PRIM2: variants seen among roughly 807,000 people sequenced by gnomAD.
PRIM2 encodes DNA primase subunit 2.
PRIM2 carries 39 observed loss-of-function variants against 67.3 expected under a neutral mutation model. That is an observed-to-expected ratio of 0.58 (90% CI 0.45 to 0.76). PRIM2 has a LOEUF of 0.76. PRIM2 is among the 30% of genes least tolerant of loss of function. The pLI is 0.00. For synonymous variants in PRIM2, 143 were observed against 198.7 expected (o/e 0.72, Z 2.36); for missense variants, 398 against 598.7 (o/e 0.66, Z 3.50).
intron 12 of PRIM2, among the ~76,000 whole-genome samples, chr6:57,608,179 GGA>G (rs1196234937): frequency 3.5e-4 from 53 of 152,094 alleles, no homozygotes; most frequent in African/African-American, 1.2e-3. Flanking sequence ...ACAGAAATGG[GGA>G]GAGAGAGAGA....
At chr6:57,642,226 G>A (rs1777250740) in intron 13 of PRIM2, among the ~76,000 whole-genome samples, 1 of 151,978 alleles carries the variant, frequency 6.6e-6, no homozygotes, top group South Asian at 2.1e-4. Context: ...ACCAGGGCCT[G>A]TTTGGGGGGG....
intron 7 of PRIM2, among the ~76,000 whole-genome samples, chr6:57,402,664 T>C (rs1288589602): frequency 6.6e-6 from 1 of 152,224 alleles, no homozygotes; most frequent in Non-Finnish European, 1.5e-5. Flanking sequence ...TATGGTTTAA[T>C]GTCTATGAAT....
At chr6:57,250,075 G>A in the PRIM2 span, among the ~76,000 whole-genome samples, 2 of 152,204 alleles carry the variant, frequency 1.3e-5, no homozygotes, top group Admixed American at 1.3e-4. Context: ...CCTGAGAGAT[G>A]AACGAATGGA....
rs1319742885 is a variant in PRIM2, at chr6:57,625,718, A to G, written c.1231-6415A>G. On this transcript the variant is annotated intron_variant, in intron 12 of 13. Coordinates refer to ENST00000615550, the MANE Select transcript of PRIM2 (RefSeq NM_000947.5). ...GTAGATTTTAATGACATTTGGAAGT[A>G]GAATTGACTCAGATAACTTTGTTTA... 4.7e-4 allele frequency among the ~76,000 whole-genome samples: 71 copies of G among 152,398 alleles called. 1 individual carries two copies. In the East Asian group the frequency reaches 0.012, roughly 26 times the overall value.
At chr6:57,561,926 T>C (rs1775640284) in intron 10 of PRIM2, among the ~76,000 whole-genome samples, 1 of 152,158 alleles carries the variant, frequency 6.6e-6, no homozygotes, top group Non-Finnish European at 1.5e-5. Context: ...GTGAGAGATG[T>C]GCGAGTCTTT....
intron 7 of PRIM2, among the ~76,000 whole-genome samples, chr6:57,419,619 A>G (rs1771396140): frequency 2.0e-5 from 3 of 152,122 alleles, no homozygotes; most frequent in Admixed American, 6.5e-5. Context: ...AGTTCCAGCA[A>G]TTCTGTTAAT....
intron 8 of PRIM2, among the ~76,000 whole-genome samples, chr6:57,526,574 A>T (rs1356122550): frequency 2.6e-5 from 4 of 152,202 alleles, no homozygotes; most frequent in South Asian, 2.1e-4. Flanking sequence ...GACCCATTAA[A>T]ATGTTCTTCG....
chr6:57,626,319 G>C (rs1776948735), intron 12 of PRIM2, among the ~76,000 whole-genome samples: 2 of 152,228 alleles, frequency 1.3e-5, no homozygotes, highest in African/African-American at 4.8e-5. Flanking sequence ...AATGTTGTGT[G>C]TGTATAAAAA....
chr6:57,382,314 A>G, intron 7 of PRIM2, 146 bp downstream of exon 7: 1 of 924,632 alleles, frequency 1.1e-6, no homozygotes, highest in Non-Finnish European at 1.5e-6. Flanking sequence ...TGTACTGTTA[A>G]TCCCAAAATT....
At chr6:57,419,140 A>G (rs1489551154) in intron 7 of PRIM2, among the ~76,000 whole-genome samples, 34 of 152,208 alleles carry the variant, frequency 2.2e-4, no homozygotes, top group Non-Finnish European at 4.0e-4. Context: ...TGCAATATTC[A>G]TGTAAGAAGT....
chr6:57,275,619 C>T, the PRIM2 span, among the ~76,000 whole-genome samples: 6 of 152,344 alleles, frequency 3.9e-5, no homozygotes, highest in African/African-American at 9.6e-5. Flanking sequence ...AGGACAATTT[C>T]GTGTCATCTT....
rs1769093927 is a variant in PRIM2 at position 57,358,179 on chromosome 6, G to A, written c.460-21722G>A. 3.3e-5 allele frequency among the ~76,000 whole-genome samples: 5 copies of A among 152,214 alleles called. No homozygotes were observed. In the South Asian group the frequency reaches 1.0e-3, roughly 32 times the overall value. On this transcript the variant is annotated intron_variant, in intron 5 of 13. Coordinates refer to ENST00000615550, the MANE Select transcript of PRIM2 (RefSeq NM_000947.5). ...ATTCTCAGTTGTTTGTTCTTAGTTTGTGCTAACAGCTTCATAAAATGGGTA... is the reference window on the plus strand; with the variant it reads ...ATTCTCAGTTGTTTGTTCTTAGTTTATGCTAACAGCTTCATAAAATGGGTA...
chr6:57,319,093 C>A (rs998603601), intron 2 of PRIM2, among the ~76,000 whole-genome samples: 4 of 152,122 alleles, frequency 2.6e-5, no homozygotes, highest in African/African-American at 7.2e-5. Context: ...AAGAGTTTTT[C>A]CAAGCTGAGA....
intron 10 of PRIM2, among the ~76,000 whole-genome samples, chr6:57,551,413 A>T (rs1775398470): frequency 6.6e-6 from 1 of 152,210 alleles, no homozygotes; most frequent in Non-Finnish European, 1.5e-5. Context: ...AGAGAAGGAG[A>T]CACAAAAACT....
the PRIM2 span, among the ~76,000 whole-genome samples, chr6:57,270,136 A>G: frequency 5.3e-4 from 81 of 151,920 alleles, no homozygotes; most frequent in Middle Eastern, 3.4e-3. Flanking sequence ...TTCCATATGA[A>G]CTTTAAAGTA....
chr6:57,477,135 T>G (rs1305109738), intron 7 of PRIM2, among the ~76,000 whole-genome samples: 4 of 152,054 alleles, frequency 2.6e-5, no homozygotes, highest in African/African-American at 9.7e-5. Context: ...GGACCCCAGG[T>G]GCTTGCCACC....
At chr6:57,241,173 G>A in the PRIM2 span, among the ~76,000 whole-genome samples, 1 of 149,056 alleles carries the variant, frequency 6.7e-6, no homozygotes, top group African/African-American at 2.5e-5. Context: ...GCAGTGAGCC[G>A]AGATTGCGCC....
At position 57,533,968 on chromosome 6, in the gene PRIM2, T is replaced by G. The variant is rs1470809671; in HGVS notation, c.834+1485T>G. On this transcript the variant is annotated intron_variant, in intron 9 of 13. Coordinates refer to ENST00000615550, the MANE Select transcript of PRIM2 (RefSeq NM_000947.5). ...TCTGTGCCTGAGACCCCGTGGTGAG[T>G]AATACAGATGTATCTTTTTCTGGAC... 1.4e-3 allele frequency among the ~76,000 whole-genome samples: 213 copies of G among 152,326 alleles called. 5 individuals are homozygous for G. The East Asian group carries it at 0.019, about 14-fold the overall frequency.
intron 13 of PRIM2, among the ~76,000 whole-genome samples, chr6:57,640,116 C>T (rs1777203610): frequency 6.6e-6 from 1 of 152,196 alleles, no homozygotes; most frequent in Non-Finnish European, 1.5e-5. Flanking sequence ...AGTGCATAAA[C>T]AGAACCAATG....
Sources: gnomAD v4.1 joint callset for allele counts (sites outside exome capture counted in the v4.1 genomes callset) on GRCh38, gnomAD v4.1.1 for gene constraint, MANE v1.5 for transcripts, NCBI Gene and HGNC (gene_info 2026-07-23, HGNC 2026-07-21) for gene names.